The following PCDHB9 variants were observed in gnomAD, a reference collection of about 807,000 sequenced individuals.
PCDHB9 encodes protocadherin beta-9.
For missense variants in PCDHB9, 1,072 were observed against 995.1 expected, an observed-to-expected ratio of 1.08 and a Z score of -1.04; for synonymous variants, 501 against 439.7, an observed-to-expected ratio of 1.14 and a Z score of -1.75.
Position 141,187,952 on chromosome 5 carries a change from C to T in PCDHB9, c.634C>T (p.Leu212Phe), listed in dbSNP as rs372738733. 6.2e-7 allele frequency: 1 copy of T among 1,613,982 alleles called. No individual in the cohort carries two copies. Among genetic ancestry groups the T allele is most frequent in the Non-Finnish European group, 8.5e-7 (1 of 1,180,026 alleles). The change falls in exon 1 of 1, where the codon CTC becomes TTC. Residue 212 changes from leucine (L) to phenylalanine (F), a missense_variant. Coordinates refer to ENST00000316105, the MANE Select transcript of PCDHB9 (RefSeq NM_019119.5). The stretch of plus-strand genomic sequence containing the variant: ...GGAGCAGGAAGAGCTCAGCTTAACC[C>T]TCACAGCGCTGGATGGTGGGTCTCC... Reference protein sequence around the residue: ...REEQEELSLTLTALDGGSPSR... With the variant: ...REEQEELSLTFTALDGGSPSR...
chr5:141,188,279 G>T lies in PCDHB9; in HGVS notation c.961G>T (p.Ala321Ser), dbSNP rs782352783. The stretch of plus-strand genomic sequence containing the variant: ...AAATTCTTACAAAATAAATATACAG[G>T]CAATGGACGGCGGAGGCCTTTCTGC... Reference protein sequence around the residue: ...LVNSYKINIQAMDGGGLSARC... With the variant: ...LVNSYKINIQSMDGGGLSARC... Residue 321 changes from alanine to serine, a missense_variant, in exon 1 of 1, where the codon GCA (alanine) becomes TCA (serine). Coordinates refer to ENST00000316105, the MANE Select transcript of PCDHB9 (RefSeq NM_019119.5). The T allele has an allele frequency of 1.2e-6, 2 of 1,614,058 alleles. No individual in the cohort carries two copies. The highest frequency in any genetic ancestry group is 1.7e-5 in the Admixed American group (1 of 59,988).
chr5:141,189,954 G>T lies in PCDHB9; in HGVS notation c.*242G>T, dbSNP rs3733690. 5.2e-6 allele frequency: 2 copies of T among 385,878 alleles called. No homozygotes were observed. The highest frequency in any genetic ancestry group is 4.5e-6 in the Non-Finnish European group (1 of 220,286). 23.9% of individuals were successfully genotyped at this position (385,878 alleles called of 1,614,324 possible). A position where few individuals can be genotyped will look rare whatever the true frequency, so the allele number is the denominator to read the frequency against. On this transcript the variant is annotated 3_prime_UTR_variant, in exon 1 of 1. Coordinates refer to ENST00000316105, the MANE Select transcript of PCDHB9 (RefSeq NM_019119.5). ...AGTTGATATCATTTAAAAATTTTTG[G>T]TCGTTTTAAATGTCTTTATTGACTT...
rs1409530786 is a variant in PCDHB9 at position 141,189,848 on chromosome 5, A to T, written c.*136A>T. The T allele has an allele frequency of 4.5e-6, 3 of 669,652 alleles. No individual in the cohort carries two copies. Among genetic ancestry groups the T allele is most frequent in the Admixed American group, 3.5e-5 (1 of 28,216 alleles). 41.5% of individuals were successfully genotyped at this position (669,652 alleles called of 1,614,324 possible). A position where few individuals can be genotyped will look rare whatever the true frequency, so the allele number is the denominator to read the frequency against. ...AACTTTGCGTATTATGCTTAACTTC[A>T]CAAGTTAACTTTTTCTTATTTTGTA... On this transcript the variant is annotated 3_prime_UTR_variant, in exon 1 of 1. Coordinates refer to ENST00000316105, the MANE Select transcript of PCDHB9 (RefSeq NM_019119.5).
In PCDHB9 at chr5:141,189,044, G is replaced by A. The variant is rs782385089; in HGVS notation, c.1726G>A (p.Val576Met). The change falls in exon 1 of 1, where the codon GTG (valine) becomes ATG (methionine). Residue 576 changes from valine to methionine, a missense_variant. Coordinates refer to ENST00000316105, the MANE Select transcript of PCDHB9 (RefSeq NM_019119.5). ...CGGCTCCGCGCCCTGCACCGAGCTG[G>A]TGCCCCGGGCGGCCGAGCCGGGCTA... ...QNGSAPCTEL[V>M]PRAAEPGYLV... The A allele has an allele frequency of 3.7e-6, 6 of 1,608,282 alleles. No homozygotes were observed. Among genetic ancestry groups the A allele is most frequent in the Admixed American group, 1.7e-5 (1 of 59,924 alleles).
Position 141,189,635 on chromosome 5 carries a change from C to A in PCDHB9, c.2317C>A (p.His773Asn), listed in dbSNP as rs1230699647. The change falls in exon 1 of 1, where the codon CAC becomes AAC. Residue 773 changes from histidine (H) to asparagine (N), a missense_variant. Coordinates refer to ENST00000316105, the MANE Select transcript of PCDHB9 (RefSeq NM_019119.5). The part of the protein sequence containing the change: ...EFKFLKPITP[H>N]LPPHRGGKEI... Reference sequence around the variant, plus strand: ...CAAGTTCTTGAAGCCGATTACCCCCCACCTCCCGCCCCATAGGGGTGGGAA... The same window carrying A: ...CAAGTTCTTGAAGCCGATTACCCCCAACCTCCCGCCCCATAGGGGTGGGAA... The A allele has an allele frequency of 1.2e-6, 2 of 1,613,982 alleles. No homozygotes were observed. Among genetic ancestry groups the A allele is most frequent in the Admixed American group, 1.7e-5 (1 of 60,002 alleles).
rs1753769049 is a variant in PCDHB9, at chr5:141,187,644, T to G, written c.326T>G (p.Leu109Ter). ...CCCTGTATGCTGTATTTCCAAATTT[T>G]AATGGATGATCCCTTTCAGATTTAC... ...KEPCMLYFQILMDDPFQIYRA... is the reference protein window; with the variant it reads ...KEPCMLYFQI The change falls in exon 1 of 1, where the codon TTA (leucine) becomes TGA (stop). Residue 109 changes from leucine (L) to a stop codon, truncating the protein, a stop_gained. Transcript: ENST00000316105. LOFTEE classifies it low-confidence loss of function (END_TRUNC). 6.2e-7 allele frequency: 1 copy of G among 1,613,836 alleles called. No individual in the cohort carries two copies. The highest frequency in any genetic ancestry group is 1.7e-5 in the Admixed American group (1 of 59,976).
In PCDHB9 at chr5:141,188,302, T is replaced by G; in HGVS notation, c.984T>G (p.Ser328=). The G allele has an allele frequency of 6.2e-7, 1 of 1,614,234 alleles. No individual in the cohort carries two copies. The highest frequency in any genetic ancestry group is 8.5e-7 in the Non-Finnish European group (1 of 1,180,038). Residue 328 remains serine (S), a synonymous_variant, in exon 1 of 1, where the codon TCT becomes TCG. Coordinates refer to ENST00000316105, the MANE Select transcript of PCDHB9 (RefSeq NM_019119.5). ...AGGCAATGGACGGCGGAGGCCTTTC[T>G]GCAAGATGTACAGTTTTGATAAAAG... The part of the protein sequence containing the change: ...NIQAMDGGGL[S]ARCTVLIKVL...
chr5:141,187,221 A>G lies in PCDHB9; in HGVS notation c.-98A>G, dbSNP rs1753756722. On this transcript the variant is annotated 5_prime_UTR_variant, in exon 1 of 1. Coordinates refer to ENST00000316105, the MANE Select transcript of PCDHB9 (RefSeq NM_019119.5). ...GTCCCTGATTGGGAAAGGAAAAATT[A>G]AAAACCCTAGATCTCTGGTACACAT... 5.9e-6 allele frequency: 8 copies of G among 1,350,714 alleles called. No individual in the cohort carries two copies. The East Asian group carries it at 1.8e-4, about 31-fold the overall frequency. 83.7% of individuals were successfully genotyped at this position (1,350,714 alleles called of 1,614,324 possible). A position where few individuals can be genotyped will look rare whatever the true frequency, so the allele number is the denominator to read the frequency against.
Position 141,190,902 on chromosome 5 carries a change from A to T in PCDHB9, c.*1190A>T, listed in dbSNP as rs1753888482. ...AGTGTCTAGCCTTTTCCTCCACGAC[A>T]TTCCTTGACTTAATCCATTTGGGCC... On this transcript the variant is annotated 3_prime_UTR_variant, in exon 1 of 1. Transcript: ENST00000316105. 6.6e-6 allele frequency: 1 copy of T among 152,106 alleles called. No individual in the cohort carries two copies. The highest frequency in any genetic ancestry group is 1.5e-5 in the Non-Finnish European group (1 of 68,028). The allele number at this position is 152,106 out of a possible 1,614,324, so 9.4% of individuals were successfully genotyped here. A position where few individuals can be genotyped will look rare whatever the true frequency, so the allele number is the denominator to read the frequency against.
Position 141,188,278 on chromosome 5 carries a change from G to A in PCDHB9, c.960G>A (p.Gln320=), listed in dbSNP as rs782203339. The change falls in exon 1 of 1, where the codon CAG becomes CAA. Residue 320 remains glutamine, a synonymous_variant. Coordinates refer to ENST00000316105, the MANE Select transcript of PCDHB9 (RefSeq NM_019119.5). ...ELVNSYKINI[Q]AMDGGGLSAR... is the part of the protein sequence containing the mutation. ...TAAATTCTTACAAAATAAATATACA[G>A]GCAATGGACGGCGGAGGCCTTTCTG... 37 of 1,614,090 alleles carry A rather than the reference G, an allele frequency of 2.3e-5. No individual in the cohort carries two copies. In the South Asian group the frequency reaches 3.0e-4, roughly 13 times the overall value.
In PCDHB9 at chr5:141,189,610, C is replaced by T; in HGVS notation, c.2292C>T (p.Phe764=). ...CTGGAGGTTCAGAGACCGGCGAGTT[C>T]AAGTTCTTGAAGCCGATTACCCCCC... The part of the protein sequence containing the change: ...CLTGGSETGE[F]KFLKPITPHL... Residue 764 remains phenylalanine (F), a synonymous_variant, in exon 1 of 1, where the codon TTC becomes TTT. Transcript: ENST00000316105. The T allele has an allele frequency of 6.2e-7, 1 of 1,614,082 alleles. No individual in the cohort carries two copies. The highest frequency in any genetic ancestry group is 2.2e-5 in the East Asian group (1 of 44,852).
In PCDHB9 at chr5:141,188,800, G is replaced by A. The variant is rs17844526; in HGVS notation, c.1482G>A (p.Gln494=). The part of the protein sequence containing the change: ...AQVTYSLLPP[Q]DPHLPLASLV... ...TCACCTACTCGCTGCTGCCGCCCCAGGACCCACACCTGCCCCTCGCCTCCC... is the reference window on the plus strand; with the variant it reads ...TCACCTACTCGCTGCTGCCGCCCCAAGACCCACACCTGCCCCTCGCCTCCC... The change falls in exon 1 of 1, where the codon CAG becomes CAA. Residue 494 remains glutamine, a synonymous_variant. Transcript: ENST00000316105. 15 of 1,612,796 alleles carry A rather than the reference G, an allele frequency of 9.3e-6. No individual in the cohort carries two copies. The highest frequency in any genetic ancestry group is 3.3e-5 in the Admixed American group (2 of 59,996).
chr5:141,188,988 A>T lies in PCDHB9; in HGVS notation c.1670A>T (p.Asn557Ile). The change falls in exon 1 of 1, where the codon AAC becomes ATC. Residue 557 changes from asparagine (N) to isoleucine (I), a missense_variant. Coordinates refer to ENST00000316105, the MANE Select transcript of PCDHB9 (RefSeq NM_019119.5). Reference sequence around the variant, plus strand: ...GTACTGGTGCTGGACGCCAACGACAACTCGCCCTTCGTGCTGTACCCGCTG... The same window carrying T: ...GTACTGGTGCTGGACGCCAACGACATCTCGCCCTTCGTGCTGTACCCGCTG... ...VRVLVLDAND[N>I]SPFVLYPLQN... 1.2e-6 allele frequency: 2 copies of T among 1,610,986 alleles called. No individual in the cohort carries two copies. Among genetic ancestry groups the T allele is most frequent in the Non-Finnish European group, 1.7e-6 (2 of 1,179,680 alleles).
chr5:141,188,184 T>A lies in PCDHB9; in HGVS notation c.866T>A (p.Leu289Ter). 1 of 1,611,074 alleles carries A rather than the reference T, an allele frequency of 6.2e-7. No individual in the cohort carries two copies. The highest frequency in any genetic ancestry group is 1.1e-5 in the South Asian group (1 of 90,748). The change falls in exon 1 of 1, where the codon TTA (leucine) becomes TAA (stop). Residue 289 changes from leucine to a stop codon, truncating the protein, a stop_gained. Coordinates refer to ENST00000316105, the MANE Select transcript of PCDHB9 (RefSeq NM_019119.5). LOFTEE classifies it low-confidence loss of function (END_TRUNC). Reference sequence around the variant, plus strand: ...TTTTTTGATGCTTCTGAAGATATTTTAACAACGTTTCAAATCAATCCTTTT... The same window carrying A: ...TTTTTTGATGCTTCTGAAGATATTTAAACAACGTTTCAAATCAATCCTTTT... ...YSFFDASEDI[L>*]TTFQINPFSG...
chr5:141,188,827 G>A lies in PCDHB9; in HGVS notation c.1509G>A (p.Leu503=), dbSNP rs1427128141. The change falls in exon 1 of 1, where the codon CTG becomes CTA. Residue 503 remains leucine, a synonymous_variant. Transcript: ENST00000316105. The part of the protein sequence containing the change: ...PQDPHLPLAS[L]VSINADNGHL... ...ACCCACACCTGCCCCTCGCCTCCCT[G>A]GTCTCCATCAACGCGGACAATGGCC... is the stretch of plus-strand genomic sequence containing the variant. The A allele has an allele frequency of 1.9e-6, 3 of 1,612,918 alleles. No homozygotes were observed. Among genetic ancestry groups the A allele is most frequent in the Admixed American group, 3.3e-5 (2 of 60,020 alleles).
In PCDHB9 at chr5:141,187,816, T is replaced by C; in HGVS notation, c.498T>C (p.Ser166=). 6 of 1,614,160 alleles carry C rather than the reference T, an allele frequency of 3.7e-6. No individual in the cohort carries two copies. The highest frequency in any genetic ancestry group is 4.2e-6 in the Non-Finnish European group (5 of 1,180,042). Residue 166 remains serine, a synonymous_variant, in exon 1 of 1, where the codon AGT becomes AGC. Transcript: ENST00000316105. ...RAQDPDEGHN[S]IQNYTISSNS... ...AGGATCCAGATGAAGGTCATAACAG[T>C]ATCCAAAACTACACGATCAGCTCCA...
chr5:141,187,212 G>A lies in PCDHB9; in HGVS notation c.-107G>A, dbSNP rs1357644358. The A allele has an allele frequency of 9.1e-6, 12 of 1,322,828 alleles. No homozygotes were observed. The African/African-American group carries it at 1.6e-4, about 18-fold the overall frequency. The allele number at this position is 1,322,828 out of a possible 1,614,324, so 81.9% of individuals were successfully genotyped here. A position where few individuals can be genotyped will look rare whatever the true frequency, so the allele number is the denominator to read the frequency against. ...AGCTGTCGAGTCCCTGATTGGGAAAGGAAAAATTAAAAACCCTAGATCTCT... is the reference window on the plus strand; with the variant it reads ...AGCTGTCGAGTCCCTGATTGGGAAAAGAAAAATTAAAAACCCTAGATCTCT... On this transcript the variant is annotated 5_prime_UTR_variant, in exon 1 of 1. Transcript: ENST00000316105.
chr5:141,188,111 T>A lies in PCDHB9; in HGVS notation c.793T>A (p.Ser265Thr). 3 of 1,613,524 alleles carry A rather than the reference T, an allele frequency of 1.9e-6. No homozygotes were observed. The highest frequency in any genetic ancestry group is 2.5e-6 in the Non-Finnish European group (3 of 1,179,724). Residue 265 changes from serine (S) to threonine (T), a missense_variant, in exon 1 of 1, where the codon TCT becomes ACT. Physicochemically the swap from Ser to Thr is moderately conservative, Grantham distance 58. Transcript: ENST00000316105. ...SPVGSLIVKVSAGDADSGVNA... is the reference protein window; with the variant it reads ...SPVGSLIVKVTAGDADSGVNA... The stretch of plus-strand genomic sequence containing the variant: ...AGTAGGGTCCCTTATTGTTAAAGTG[T>A]CTGCAGGAGATGCAGACTCAGGAGT...
At position 141,188,641 on chromosome 5, in the gene PCDHB9, C is replaced by A; in HGVS notation, c.1323C>A (p.Val441=). 1 of 1,614,162 alleles carries A rather than the reference C, an allele frequency of 6.2e-7. No individual in the cohort carries two copies. The stretch of plus-strand genomic sequence containing the variant: ...CCGAGCACAGCATAACCCTGCAGGT[C>A]TCCGACGTCAATGACAACGCCCCCG... ...LKTEHSITLQ[V]SDVNDNAPAF... is the part of the protein sequence containing the mutation. Residue 441 remains valine (V), a synonymous_variant, in exon 1 of 1, where the codon GTC becomes GTA. Coordinates refer to ENST00000316105, the MANE Select transcript of PCDHB9 (RefSeq NM_019119.5).
Sources: allele counts gnomAD v4.1 joint callset, GRCh38; gene constraint gnomAD v4.1.1; transcripts MANE v1.5; gene names NCBI Gene and HGNC (gene_info 2026-07-23, HGNC 2026-07-21).